The following KIAA0319 variants were observed in gnomAD, a reference collection of about 807,000 sequenced individuals.
KIAA0319 encodes dyslexia-associated protein KIAA0319.
Under a neutral mutation model 108.4 loss-of-function variants are expected in KIAA0319, and 83 were observed. The observed-to-expected ratio is 0.77, with a 90% CI of 0.64 to 0.92. KIAA0319 has a LOEUF of 0.92. Ranked by LOEUF, KIAA0319 falls within the 40% of genes least tolerant of loss-of-function variation. KIAA0319 has a pLI of 0.00. For synonymous variants in KIAA0319, 484 were observed against 510.4 expected (o/e 0.95, Z 0.70); for missense variants, 1,195 against 1,322.4 (o/e 0.90, Z 1.49).
chr6:24,640,554 A>G (rs1776783633), intron 1 of KIAA0319, among the ~76,000 whole-genome samples: 1 of 152,222 alleles, frequency 6.6e-6, no homozygotes, highest in Non-Finnish European at 1.5e-5. Context: ...TGACATTAAG[A>G]GATCTGCGCT....
At chr6:24,550,838 G>A (rs1761379458) in intron 20 of KIAA0319, among the ~76,000 whole-genome samples, 1 of 152,112 alleles carries the variant, frequency 6.6e-6, no homozygotes, top group Non-Finnish European at 1.5e-5. Context: ...TCATTGGTAG[G>A]TGCCCAGCTG....
At chr6:24,560,337 C>T (rs1762941923) in intron 16 of KIAA0319, among the ~76,000 whole-genome samples, 1 of 152,184 alleles carries the variant, frequency 6.6e-6, no homozygotes, top group Non-Finnish European at 1.5e-5. Flanking sequence ...TATAAATGTT[C>T]CAGTTTCTCC....
intron 19 of KIAA0319, among the ~76,000 whole-genome samples, chr6:24,551,928 G>A (rs2127415431): frequency 6.6e-6 from 1 of 152,114 alleles, no homozygotes; most frequent in Middle Eastern, 3.4e-3. Context: ...ATGAAAAGGT[G>A]TCATGAACTA....
intron 1 of KIAA0319, among the ~76,000 whole-genome samples, chr6:24,624,917 A>G (rs1289889147): frequency 6.6e-6 from 1 of 152,166 alleles, no homozygotes. Context: ...TAAGAGTTGT[A>G]CAATATGGTT....
At chr6:24,618,504 C>T (rs147548567) in intron 1 of KIAA0319, among the ~76,000 whole-genome samples, 27 of 152,078 alleles carry the variant, frequency 1.8e-4, no homozygotes, top group Admixed American at 3.9e-4. Flanking sequence ...GTCCCTGCTA[C>T]TCAGGAGGCT....
At chr6:24,644,733 G>A (rs1042845120) in intron 1 of KIAA0319, among the ~76,000 whole-genome samples, 11 of 151,734 alleles carry the variant, frequency 7.2e-5, no homozygotes, top group East Asian at 1.9e-4. Flanking sequence ...TCATTATTTC[G>A]AAACAAAAAT....
chr6:24,643,419 A>C (rs1777217607), intron 1 of KIAA0319, among the ~76,000 whole-genome samples: 1 of 152,170 alleles, frequency 6.6e-6, no homozygotes, highest in Non-Finnish European at 1.5e-5. Flanking sequence ...GTACACTCTA[A>C]ATCTATAAAA....
Position 24,596,188 on chromosome 6 carries a change from C to T in KIAA0319, c.486G>A (p.Glu162=), listed in dbSNP as rs1425796548. ...EMSEYSDDYR[E]LEKDLLQPSG... The stretch of plus-strand genomic sequence containing the variant: ...TGGGTTGCAAGAGGTCCTTCTCCAG[C>T]TCCCGGTAGTCATCTGAGTACTCAG... Residue 162 remains glutamate (E), a synonymous_variant, in exon 3 of 21, where the codon GAG becomes GAA. Transcript: ENST00000378214. The T allele has an allele frequency of 1.9e-6, 3 of 1,614,176 alleles. No homozygotes were observed. The highest frequency in any genetic ancestry group is 3.3e-4 in the Middle Eastern group (2 of 6,062).
At chr6:24,553,111 T>C (rs1455466175) in intron 19 of KIAA0319, among the ~76,000 whole-genome samples, 1 of 151,834 alleles carries the variant, frequency 6.6e-6, no homozygotes, top group Non-Finnish European at 1.5e-5. Context: ...TTGGCGGTGT[T>C]ATTGCCTCGC....
At chr6:24,597,356 C>G (rs1769810043) in intron 2 of KIAA0319, among the ~76,000 whole-genome samples, 1 of 152,186 alleles carries the variant, frequency 6.6e-6, no homozygotes. Flanking sequence ...AAGGCAGAAG[C>G]CTCCAACTCA....
chr6:24,643,343 T>TA (rs1202139239), intron 1 of KIAA0319, among the ~76,000 whole-genome samples: 1 of 152,154 alleles, frequency 6.6e-6, no homozygotes, highest in African/African-American at 2.4e-5. Flanking sequence ...ACTATTCGGG[T>TA]AATGGGTACA....
intron 3 of KIAA0319, among the ~76,000 whole-genome samples, chr6:24,594,657 C>A (rs2127518580): frequency 6.6e-6 from 1 of 150,664 alleles, no homozygotes; most frequent in African/African-American, 2.4e-5. Flanking sequence ...AAAAAAAACA[C>A]TTAAAAATGA....
intron 10 of KIAA0319, among the ~76,000 whole-genome samples, chr6:24,574,405 C>T (rs2127468282): frequency 6.6e-6 from 1 of 152,172 alleles, no homozygotes; most frequent in African/African-American, 2.4e-5. Flanking sequence ...CCACTGCACT[C>T]CAGCCTGGGT....
At chr6:24,624,793 G>A (rs188016731) in intron 1 of KIAA0319, among the ~76,000 whole-genome samples, 2 of 152,296 alleles carry the variant, frequency 1.3e-5, no homozygotes, top group Admixed American at 1.3e-4. Context: ...GAAGTCGGAC[G>A]TGAAGCCCTG....
intron 3 of KIAA0319, among the ~76,000 whole-genome samples, chr6:24,593,190 T>C (rs1768788320): frequency 6.6e-6 from 1 of 152,092 alleles, no homozygotes; most frequent in South Asian, 2.1e-4. Context: ...CTTTCCTCAC[T>C]GGAAACCCAG....
Position 24,563,377 on chromosome 6 carries a change from C to G in KIAA0319, c.2573G>C (p.Arg858Pro). 6.2e-7 allele frequency: 1 copy of G among 1,613,136 alleles called. No homozygotes were observed. Among genetic ancestry groups the G allele is most frequent in the Non-Finnish European group, 8.5e-7 (1 of 1,179,516 alleles). Residue 858 changes from arginine to proline, a missense_variant, in exon 16 of 21, where the codon CGG becomes CCG. By Grantham distance (103) the Arg-to-Pro change is moderately radical. Coordinates refer to ENST00000378214, the MANE Select transcript of KIAA0319 (RefSeq NM_014809.4). ...CTCCTACCTGAGATCCGAGTGGGCC[C>G]GAATCTTCTGGACCTTAATGTCCGA... The part of the protein sequence containing the change: ...LDSDIKVQKI[R>P]AHSDLSTVIV...
chr6:24,596,727 A>G (rs1769672159), intron 2 of KIAA0319, 109 bp from the exon 3 acceptor site: 1 of 960,782 alleles, frequency 1.0e-6, no homozygotes, highest in South Asian at 1.7e-5. Context: ...CCAGTCTGGC[A>G]AGCAAATAAA....
At chr6:24,574,462 T>C (rs1765182269) in intron 10 of KIAA0319, among the ~76,000 whole-genome samples, 1 of 152,170 alleles carries the variant, frequency 6.6e-6, no homozygotes. Context: ...TATAATTTTG[T>C]AAAACTCTAA....
chr6:24,559,198 G>A, intron 16 of KIAA0319, 43 bp from the exon 17 acceptor site: 2 of 1,601,340 alleles, frequency 1.2e-6, no homozygotes, highest in Admixed American at 1.7e-5. Flanking sequence ...ATGGTCAGAT[G>A]GTGACTACCA....
Sources: allele counts gnomAD v4.1 joint callset (sites outside exome capture counted in the v4.1 genomes callset), GRCh38; gene constraint gnomAD v4.1.1; transcripts MANE v1.5; gene names NCBI Gene and HGNC (gene_info 2026-07-23, HGNC 2026-07-21).